Variants in LRPPRC observed in about 807,000 individuals in gnomAD.
LRPPRC encodes leucine-rich PPR motif-containing protein, mitochondrial.
LRPPRC carries 120 observed loss-of-function variants against 180.3 expected under a neutral mutation model. The ratio of observed to expected loss-of-function variants is 0.67; its 90% CI spans 0.57 to 0.77. The LOEUF is 0.77. Among genes scored for constraint, LRPPRC ranks in the 30% least tolerant of loss-of-function variants. LRPPRC has a pLI of 0.00. For missense variants in LRPPRC, 2,012 were observed against 1,657.2 expected (o/e 1.21, Z -3.72); for synonymous variants, 723 against 600.0 (o/e 1.21, Z -3.00).
At chr2:43,900,839 TG>T (rs1670855400) in intron 32 of LRPPRC, among the ~76,000 whole-genome samples, 2 of 151,988 alleles carry the variant, frequency 1.3e-5, no homozygotes, top group Admixed American at 1.3e-4. Context: ...CTAGAGACAG[TG>T]GTAAGAAAAT....
intron 23 of LRPPRC, among the ~76,000 whole-genome samples, chr2:43,938,843 A>C (rs1443932797): frequency 6.6e-6 from 1 of 152,174 alleles, no homozygotes; most frequent in Non-Finnish European, 1.5e-5. Flanking sequence ...AAAAATCATA[A>C]ATGTATTTCA....
chr2:43,968,268 A>G lies in LRPPRC; in HGVS notation c.1370-4562T>C, dbSNP rs374077228. 1.4e-4 allele frequency among the ~76,000 whole-genome samples: 22 copies of G among 152,360 alleles called. 1 individual carries two copies. In the South Asian group the frequency reaches 4.6e-3, roughly 32 times the overall value. ...GAACTGTGCTTCCAGACGCTTTTAC[A>G]CATATTCCTTTGCTAAATCTTTCTA... On this transcript the variant is annotated intron_variant, in intron 11 of 37. Transcript: ENST00000260665.
intron 27 of LRPPRC, among the ~76,000 whole-genome samples, chr2:43,923,308 G>A (rs13422217): frequency 0.04 from 6,005 of 151,432 alleles, 285 homozygotes; most frequent in African/African-American, 0.11. Context: ...GTGGGACCCC[G>A]TCTCCACAAA....
chr2:43,944,420 G>A (rs1335440561), intron 22 of LRPPRC, among the ~76,000 whole-genome samples: 2 of 152,034 alleles, frequency 1.3e-5, no homozygotes, highest in Non-Finnish European at 2.9e-5. Context: ...AGCTTCATTA[G>A]GAAGGCAGAA....
intron 3 of LRPPRC, among the ~76,000 whole-genome samples, chr2:43,978,108 T>C (rs898143324): frequency 6.6e-6 from 1 of 152,166 alleles, no homozygotes; most frequent in African/African-American, 2.4e-5. Context: ...CCACATATAG[T>C]GGCTCACTCA....
intron 23 of LRPPRC, 71 bp downstream of exon 23, chr2:43,943,616 G>A: frequency 3.1e-6 from 4 of 1,282,582 alleles, no homozygotes; most frequent in Non-Finnish European, 4.6e-6. Context: ...TATTTATAAA[G>A]TATAATCCGA....
chr2:43,976,283 A>G (rs544955346), intron 5 of LRPPRC, 54 bp from the exon 6 acceptor site: 38 of 948,324 alleles, frequency 4.0e-5, no homozygotes, highest in Admixed American at 1.2e-4. Flanking sequence ...AACACTCTTT[A>G]CAACATGTAC....
rs767775473 is a variant in LRPPRC, at chr2:43,889,834, T to C, written c.4028A>G (p.His1343Arg). The C allele has an allele frequency of 1.2e-6, 2 of 1,610,096 alleles. No individual in the cohort carries two copies. The highest frequency in any genetic ancestry group is 1.1e-5 in the South Asian group (1 of 90,986). ...DVTSAKALYE[H>R]LTAKNTKLDD... ...CAATTTTGTATTCTTTGCAGTCAAA[T>C]GTTCATACAGTGCTTTAGCAGATGT... The change falls in exon 37 of 38, where the codon CAT (histidine) becomes CGT (arginine). Residue 1343 changes from histidine to arginine, a missense_variant. By Grantham distance (29) the His-to-Arg change is conservative. Transcript: ENST00000260665.
intron 1 of LRPPRC, among the ~76,000 whole-genome samples, chr2:43,993,613 T>C (rs929776441): frequency 2.0e-5 from 3 of 151,968 alleles, no homozygotes; most frequent in Non-Finnish European, 2.9e-5. Flanking sequence ...GGTAGGAGAC[T>C]ATATACAGTG....
At chr2:43,914,287 C>T (rs1047897210) in intron 29 of LRPPRC, among the ~76,000 whole-genome samples, 6 of 151,936 alleles carry the variant, frequency 3.9e-5, no homozygotes, top group Admixed American at 1.3e-4. Flanking sequence ...ATTCACCGCA[C>T]GTTTGTTTCC....
At chr2:43,912,327 A>G in intron 30 of LRPPRC, 105 bp downstream of exon 30, 1 of 1,026,740 alleles carries the variant, frequency 9.7e-7, no homozygotes. Flanking sequence ...AGCTGAGGCC[A>G]ATCAAGCAAT....
At chr2:43,936,269 A>G (rs189536758) in intron 23 of LRPPRC, among the ~76,000 whole-genome samples, 1 of 152,344 alleles carries the variant, frequency 6.6e-6, no homozygotes, top group African/African-American at 2.4e-5. Context: ...TCCCATTGTC[A>G]GTTCAGTACA....
intron 21 of LRPPRC, 59 bp from the exon 22 acceptor site, chr2:43,945,476 G>A (rs1330684627): frequency 1.1e-6 from 1 of 949,908 alleles, no homozygotes; most frequent in Non-Finnish European, 1.7e-6. Flanking sequence ...TAAAAGAACA[G>A]CAACATCCAT....
chr2:43,935,438 T>C (rs1672241764), intron 23 of LRPPRC, among the ~76,000 whole-genome samples: 1 of 152,220 alleles, frequency 6.6e-6, no homozygotes, highest in Admixed American at 6.5e-5. Context: ...GTTTCATATA[T>C]ATGGGAACTT....
chr2:43,933,153 G>A (rs1010457661), intron 25 of LRPPRC, among the ~76,000 whole-genome samples: 1 of 152,200 alleles, frequency 6.6e-6, no homozygotes, highest in Non-Finnish European at 1.5e-5. Context: ...ACTGTCTGCT[G>A]ACAAGTGGGC....
intron 29 of LRPPRC, among the ~76,000 whole-genome samples, chr2:43,915,387 A>C (rs1253822476): frequency 6.6e-6 from 1 of 152,072 alleles, no homozygotes; most frequent in Non-Finnish European, 1.5e-5. Context: ...GCAGCAAAGG[A>C]AAATGCCTCA....
At chr2:43,903,359 T>G (rs1395209620) in intron 31 of LRPPRC, 2 of 152,202 alleles carry the variant, frequency 1.3e-5, no homozygotes, top group Non-Finnish European at 2.9e-5. Flanking sequence ...AACAGTAAAA[T>G]TTAATCGGCT....
intron 29 of LRPPRC, among the ~76,000 whole-genome samples, chr2:43,917,635 A>G (rs1368877239): frequency 1.3e-5 from 2 of 151,950 alleles, no homozygotes; most frequent in African/African-American, 4.8e-5. Context: ...TACAAATATA[A>G]AAAATTAGCC....
At chr2:43,935,200 T>C (rs964266772) in intron 23 of LRPPRC, among the ~76,000 whole-genome samples, 1 of 152,236 alleles carries the variant, frequency 6.6e-6, no homozygotes, top group Non-Finnish European at 1.5e-5. Context: ...TGACTTTATG[T>C]AGAAAGTTGC....
Sources: gnomAD v4.1 joint callset for allele counts (sites outside exome capture counted in the v4.1 genomes callset) on GRCh38, gnomAD v4.1.1 for gene constraint, MANE v1.5 for transcripts, NCBI Gene and HGNC (gene_info 2026-07-23, HGNC 2026-07-21) for gene names.